The following GIPC2 variants were observed in gnomAD, a reference collection of about 807,000 sequenced individuals.
GIPC2 encodes GIPC PDZ domain containing family member 2, also known as PDZ domain-containing protein GIPC2.
GIPC2 carries 30 observed loss-of-function variants against 30.6 expected under a neutral mutation model. The observed-to-expected ratio is 0.98, with a 90% CI of 0.73 to 1.33. The LOEUF (loss-of-function observed/expected upper bound fraction) is 1.33. Ranked by LOEUF, GIPC2 falls within the 40% of genes most tolerant of loss-of-function variation. The pLI is 0.00. For synonymous variants in GIPC2, 167 were observed against 150.0 expected (o/e 1.11, Z -0.83); for missense variants, 414 against 390.3 (o/e 1.06, Z -0.51).
intron 3 of GIPC2, among the ~76,000 whole-genome samples, chr1:78,114,759 A>G (rs1268667803): frequency 1.3e-5 from 2 of 152,160 alleles, no homozygotes; most frequent in Non-Finnish European, 2.9e-5. Flanking sequence ...AAATTCATAG[A>G]ATGTGTAACA....
chr1:78,105,797 T>A (rs1014459987), intron 3 of GIPC2, among the ~76,000 whole-genome samples: 2 of 152,220 alleles, frequency 1.3e-5, no homozygotes, highest in African/African-American at 4.8e-5. Context: ...ATATAAATAA[T>A]ACATATTCTC....
chr1:78,113,585 C>T (rs147154582), intron 3 of GIPC2, among the ~76,000 whole-genome samples: 2,953 of 152,214 alleles, frequency 0.019, 50 homozygotes, highest in South Asian at 0.079. Context: ...GATGGAGTTT[C>T]ACCATATTGC....
rs551594820 is a variant in GIPC2 at position 78,056,060 on chromosome 1, G to T, written c.240+9726G>T. On this transcript the variant is annotated intron_variant, in intron 1 of 5. Transcript: ENST00000370759. ...AGCCTCCCCACTACCTCAGGACTGG[G>T]TTCTGTGCCTATCCTCTAAACTTCC... Among the ~76,000 whole-genome samples, 11 of 152,236 alleles carry T rather than the reference G, an allele frequency of 7.2e-5. No homozygotes were observed. The South Asian group carries it at 1.9e-3, about 26-fold the overall frequency.
Position 78,095,061 on chromosome 1 carries a change from C to T in GIPC2, c.536C>T (p.Ala179Val), listed in dbSNP as rs756648820. Residue 179 changes from alanine (A) to valine (V), a missense_variant, in exon 3 of 6, where the codon GCT (alanine) becomes GTT (valine). Physicochemically the swap from Ala to Val is moderately conservative, Grantham distance 64. Transcript: ENST00000370759. ...NIVGWRHYDV[A>V]KKLKELKKEE... ...GTTGGGTGGCGTCACTATGATGTTG[C>T]TAAGAAGTTAAAGGAATTAAAAAAG... 4 of 1,609,404 alleles carry T rather than the reference C, an allele frequency of 2.5e-6. No individual in the cohort carries two copies. In the South Asian group the frequency reaches 4.4e-5, roughly 18 times the overall value.
chr1:78,046,057 C>A lies in GIPC2; in HGVS notation c.-38C>A, dbSNP rs1377903100. The A allele has an allele frequency of 1.4e-6, 2 of 1,402,194 alleles. No individual in the cohort carries two copies. The highest frequency in any genetic ancestry group is 1.9e-6 in the Non-Finnish European group (2 of 1,080,690). The allele number at this position is 1,402,194 out of a possible 1,614,324, so 86.9% of individuals were successfully genotyped here. A position where few individuals can be genotyped will look rare whatever the true frequency, so the allele number is the denominator to read the frequency against. ...GGCGCCGGGGGGAGGAGGCGGCGGA[C>A]GGCAGCGCAGGTGGGCCCGCGCTCT... On this transcript the variant is annotated 5_prime_UTR_variant, in exon 1 of 6. Coordinates refer to ENST00000370759, the MANE Select transcript of GIPC2 (RefSeq NM_017655.6).
chr1:78,045,089 G>A, upstream of GIPC2: 1 of 982,942 alleles, frequency 1.0e-6, no homozygotes, highest in Non-Finnish European at 1.2e-6. Flanking sequence ...GGGCAACGCA[G>A]ACCAAGTAAG....
At chr1:78,121,913 G>A (rs1170535313) in intron 4 of GIPC2, among the ~76,000 whole-genome samples, 1 of 152,218 alleles carries the variant, frequency 6.6e-6, no homozygotes, top group African/African-American at 2.4e-5. Flanking sequence ...GAGAATGTCA[G>A]CTCTGCCTTT....
intron 4 of GIPC2, among the ~76,000 whole-genome samples, chr1:78,120,207 A>G (rs1439812753): frequency 1.3e-5 from 2 of 152,246 alleles, no homozygotes; most frequent in African/African-American, 2.4e-5. Context: ...AATGACCAAC[A>G]TGACCGAACT....
At chr1:78,094,863 A>G (rs1662107214) in intron 2 of GIPC2, 89 bp from the exon 3 acceptor site, 1 of 928,544 alleles carries the variant, frequency 1.1e-6, no homozygotes, top group Non-Finnish European at 1.7e-6. Flanking sequence ...AACCAGGCCC[A>G]AACCTGCTTA....
At chr1:78,133,106 A>G (rs1662930572) in intron 5 of GIPC2, among the ~76,000 whole-genome samples, 1 of 152,208 alleles carries the variant, frequency 6.6e-6, no homozygotes, top group Non-Finnish European at 1.5e-5. Context: ...CTGTGCAAAA[A>G]GTATGTAAGT....
intron 1 of GIPC2, among the ~76,000 whole-genome samples, chr1:78,073,319 G>T (rs1366464610): frequency 6.6e-6 from 1 of 152,032 alleles, no homozygotes; most frequent in Admixed American, 6.6e-5. Flanking sequence ...GGCCAGGCTG[G>T]TCTCGAACTC....
intron 1 of GIPC2, among the ~76,000 whole-genome samples, chr1:78,066,202 A>T (rs1024966572): frequency 2.0e-5 from 3 of 152,096 alleles, no homozygotes; most frequent in Non-Finnish European, 4.4e-5. Context: ...AAAAAACCCA[A>T]CTCCATTAAA....
intron 3 of GIPC2, among the ~76,000 whole-genome samples, chr1:78,101,186 ATGGAGGACC>A (rs936859278): frequency 6.6e-6 from 1 of 152,160 alleles, no homozygotes; most frequent in African/African-American, 2.4e-5. Context: ...ATGGCCAGAC[ATGGAGGACC>A]TGGCCTTCTG....
intron 1 of GIPC2, among the ~76,000 whole-genome samples, chr1:78,067,989 G>A (rs1218073440): frequency 6.6e-6 from 1 of 152,030 alleles, no homozygotes; most frequent in Non-Finnish European, 1.5e-5. Flanking sequence ...CTTCTGATGA[G>A]GGCTCTTTCA....
intron 5 of GIPC2, among the ~76,000 whole-genome samples, chr1:78,129,032 G>T (rs115924400): frequency 9.3e-6 from 1 of 107,414 alleles, no homozygotes; most frequent in Non-Finnish European, 2.2e-5. Context: ...ATAAATAAAT[G>T]AAAAAAAAAA....
At chr1:78,060,183 C>CT (rs974731021) in intron 1 of GIPC2, among the ~76,000 whole-genome samples, 2,063 of 145,820 alleles carry the variant, frequency 0.014, 36 homozygotes, top group African/African-American at 0.048. Flanking sequence ...TTTCATCTCT[C>CT]TTTTTTTTTT....
intron 1 of GIPC2, among the ~76,000 whole-genome samples, chr1:78,052,800 C>T (rs1443828790): frequency 1.3e-5 from 2 of 152,118 alleles, no homozygotes; most frequent in Admixed American, 6.6e-5. Flanking sequence ...CCTGAGGCTT[C>T]CCAGAAGCTG....
At chr1:78,104,164 G>A (rs1307636105) in intron 3 of GIPC2, among the ~76,000 whole-genome samples, 1 of 149,618 alleles carries the variant, frequency 6.7e-6, no homozygotes, top group African/African-American at 2.5e-5. Flanking sequence ...TGCCATGCCA[G>A]TGGTGTGTAG....
intron 3 of GIPC2, among the ~76,000 whole-genome samples, chr1:78,100,643 A>G (rs1362103058): frequency 6.6e-6 from 1 of 152,074 alleles, no homozygotes; most frequent in African/African-American, 2.4e-5. Context: ...AGACTTGTAC[A>G]AAAGGGCTGG....
Sources: allele counts gnomAD v4.1 joint callset (sites outside exome capture counted in the v4.1 genomes callset), GRCh38; gene constraint gnomAD v4.1.1; transcripts MANE v1.5; gene names NCBI Gene and HGNC (gene_info 2026-07-23, HGNC 2026-07-21).